The following ARHGAP42 variants were observed in gnomAD, a reference collection of about 807,000 sequenced individuals.
The protein encoded by ARHGAP42 is rho GTPase-activating protein 42.
Under a neutral mutation model 125.0 loss-of-function variants are expected in ARHGAP42, and 63 were observed. The observed-to-expected ratio is 0.50, with a 90% CI of 0.41 to 0.62. ARHGAP42 has a LOEUF of 0.62. ARHGAP42 is among the 20% of genes least tolerant of loss of function. The probability of loss-of-function intolerance (pLI) is 0.00; values close to 1 mark genes in which losing one functional copy is unlikely to be tolerated. For synonymous variants in ARHGAP42, 339 were observed against 351.0 expected, an observed-to-expected ratio of 0.97 and a Z score of 0.38; for missense variants, 766 against 1,024.2, an observed-to-expected ratio of 0.75 and a Z score of 3.44.
At position 100,933,192 on chromosome 11, in the gene ARHGAP42, C is replaced by A; in HGVS notation, c.634C>A (p.His212Asn). 1.3e-6 allele frequency: 2 copies of A among 1,549,810 alleles called. No individual in the cohort carries two copies. The highest frequency in any genetic ancestry group is 1.7e-6 in the Non-Finnish European group (2 of 1,146,572). The change falls in exon 7 of 24, where the codon CAT becomes AAT. Residue 212 changes from histidine to asparagine, a missense_variant. Physicochemically the swap from His to Asn is moderately conservative, Grantham distance 68 (BLOSUM62 1). This residue lies in a region of ARHGAP42 where 455 missense variants were observed against 636.5 expected (regional missense o/e 0.71). Coordinates refer to ENST00000298815, the MANE Select transcript of ARHGAP42 (RefSeq NM_152432.4). Reference protein sequence around the residue: ...SFLQGLFTFYHEGYELAQEFA... With the variant: ...SFLQGLFTFYNEGYELAQEFA... ...TCTTCAGGGCTTATTTACTTTTTAC[C>A]ATGAGGGATATGAACTTGCCCAGGA... is the stretch of plus-strand genomic sequence containing the variant.
At chr11:100,700,177 G>A (rs1353437745) in intron 1 of ARHGAP42, among the ~76,000 whole-genome samples, 1 of 152,188 alleles carries the variant, frequency 6.6e-6, no homozygotes, top group Non-Finnish European at 1.5e-5. Context: ...TCTATTAAAT[G>A]TGCAATAGCA....
chr11:100,727,791 C>T (rs571923739), intron 1 of ARHGAP42, among the ~76,000 whole-genome samples: 24 of 152,280 alleles, frequency 1.6e-4, no homozygotes, highest in African/African-American at 5.8e-4. Context: ...GACAGTAGTA[C>T]ATACATTGCT....
chr11:100,865,768 A>G (rs1213238762), intron 4 of ARHGAP42, among the ~76,000 whole-genome samples: 1 of 152,216 alleles, frequency 6.6e-6, no homozygotes, highest in Non-Finnish European at 1.5e-5. Flanking sequence ...ATATTTTATT[A>G]CTAAAATAGG....
intron 3 of ARHGAP42, among the ~76,000 whole-genome samples, chr11:100,849,149 G>C (rs1383712169): frequency 6.6e-6 from 1 of 152,188 alleles, no homozygotes; most frequent in Admixed American, 6.5e-5. Flanking sequence ...GCTTTTCACA[G>C]ATAAGGAAAA....
intron 1 of ARHGAP42, among the ~76,000 whole-genome samples, chr11:100,730,305 C>T (rs528543389): frequency 1.3e-5 from 2 of 152,048 alleles, no homozygotes; most frequent in African/African-American, 2.4e-5. Context: ...CTCTGCTAAG[C>T]ATCAGCATCT....
chr11:100,817,297 A>G (rs1183589759), intron 3 of ARHGAP42, among the ~76,000 whole-genome samples: 1 of 152,180 alleles, frequency 6.6e-6, no homozygotes, highest in African/African-American at 2.4e-5. Context: ...ATTGCCAGAT[A>G]TCTCCATTTG....
intron 2 of ARHGAP42, among the ~76,000 whole-genome samples, chr11:100,772,944 C>G (rs780528996): frequency 7.2e-5 from 11 of 152,186 alleles, no homozygotes; most frequent in Non-Finnish European, 1.6e-4. Flanking sequence ...TTGAGTGATT[C>G]TCATGCCTCA....
intron 10 of ARHGAP42, among the ~76,000 whole-genome samples, chr11:100,947,894 C>T (rs554077): frequency 0.83 from 126,481 of 151,890 alleles, 52,742 homozygotes; most frequent in African/African-American, 0.87. Context: ...GAAGTATATC[C>T]TCAAGTAACT....
intron 3 of ARHGAP42, among the ~76,000 whole-genome samples, chr11:100,830,858 C>A (rs182845931): frequency 6.6e-6 from 1 of 152,084 alleles, no homozygotes; most frequent in East Asian, 1.9e-4. Flanking sequence ...GTGGGCACCA[C>A]GGTTACTATT....
chr11:100,763,080 A>G (rs1022776486), intron 1 of ARHGAP42, among the ~76,000 whole-genome samples: 1 of 148,598 alleles, frequency 6.7e-6, no homozygotes, highest in African/African-American at 2.5e-5. Flanking sequence ...CCCAGGTTCA[A>G]GCAATTCTCA....
chr11:100,824,578 C>T (rs1864473233), intron 3 of ARHGAP42, among the ~76,000 whole-genome samples: 1 of 152,218 alleles, frequency 6.6e-6, no homozygotes, highest in South Asian at 2.1e-4. Flanking sequence ...ATGATGATGA[C>T]TTTTTGTCAA....
chr11:100,921,121 C>G (rs1423693915), intron 5 of ARHGAP42, among the ~76,000 whole-genome samples: 3 of 147,804 alleles, frequency 2.0e-5, no homozygotes, highest in Non-Finnish European at 4.5e-5. Context: ...CAAATACCAC[C>G]ATTTTGTCCC....
chr11:100,801,197 T>C (rs1863843265), intron 3 of ARHGAP42, among the ~76,000 whole-genome samples: 1 of 152,182 alleles, frequency 6.6e-6, no homozygotes, highest in Non-Finnish European at 1.5e-5. Context: ...TGAGAGATTT[T>C]GTACAAAGAT....
intron 3 of ARHGAP42, among the ~76,000 whole-genome samples, chr11:100,805,226 C>T (rs1346888452): frequency 6.6e-6 from 1 of 152,178 alleles, no homozygotes; most frequent in Non-Finnish European, 1.5e-5. Context: ...TGAACCCATG[C>T]TGTGGGGATC....
At chr11:100,703,935 T>G (rs967887133) in intron 1 of ARHGAP42, among the ~76,000 whole-genome samples, 3 of 152,224 alleles carry the variant, frequency 2.0e-5, no homozygotes, top group African/African-American at 4.8e-5. Flanking sequence ...CCTAGGTGTC[T>G]CTTATGATAC....
intron 1 of ARHGAP42, among the ~76,000 whole-genome samples, chr11:100,719,126 A>T (rs1331180672): frequency 6.6e-6 from 1 of 152,250 alleles, no homozygotes; most frequent in Non-Finnish European, 1.5e-5. Context: ...GAATAAGAGC[A>T]TTTAGTGGTA....
chr11:100,898,990 T>G (rs1248626063), intron 4 of ARHGAP42, among the ~76,000 whole-genome samples: 1 of 152,200 alleles, frequency 6.6e-6, no homozygotes, highest in Non-Finnish European at 1.5e-5. Flanking sequence ...GTGCTATAAA[T>G]TTCCCTCTAC....
rs1167036726 is a variant in ARHGAP42 at position 100,962,558 on chromosome 11, A to G, written c.1444+91A>G. 1.2e-5 allele frequency: 14 copies of G among 1,183,738 alleles called. No individual in the cohort carries two copies. The East Asian group carries it at 3.6e-4, about 30-fold the overall frequency. 73.3% of individuals were successfully genotyped at this position (1,183,738 alleles called of 1,614,324 possible). On this transcript the variant is annotated intron_variant, in intron 16 of 23. Coordinates refer to ENST00000298815, the MANE Select transcript of ARHGAP42 (RefSeq NM_152432.4). ...ATATTACTAGTATCAGCTAGTGAAG[A>G]TTTTTTTCAAGTATTGCTTAAAAAG...
At chr11:100,739,618 G>A (rs543895735) in intron 1 of ARHGAP42, among the ~76,000 whole-genome samples, 2 of 152,164 alleles carry the variant, frequency 1.3e-5, no homozygotes, top group African/African-American at 2.4e-5. Context: ...ATTTTAAAAT[G>A]TAATGTACGA....
Sources: gnomAD v4.1 joint callset for allele counts (sites outside exome capture counted in the v4.1 genomes callset) on GRCh38, gnomAD v4.1.1 for gene constraint, gnomAD v4.1.1 regional missense constraint, MANE v1.5 for transcripts, NCBI Gene and HGNC (gene_info 2026-07-23, HGNC 2026-07-21) for gene names.